The following CSNK1G2 variants were observed in gnomAD, a reference collection of about 807,000 sequenced individuals.
The protein encoded by CSNK1G2 is casein kinase I isoform gamma-2.
In CSNK1G2, 11 loss-of-function variants were observed where a neutral mutation model predicts 48.0. The ratio of observed to expected loss-of-function variants is 0.23; its 90% CI spans 0.14 to 0.38. The LOEUF is 0.38. CSNK1G2 is among the 10% of genes least tolerant of loss of function. The pLI is 1.00. For missense variants in CSNK1G2, 446 were observed against 595.5 expected, an observed-to-expected ratio of 0.75 and a Z score of 2.61; for synonymous variants, 337 against 254.1, an observed-to-expected ratio of 1.33 and a Z score of -3.10.
chr19:1,958,247 C>T (rs550414562), intron 1 of CSNK1G2, among the ~76,000 whole-genome samples: 16 of 152,148 alleles, frequency 1.1e-4, no homozygotes, highest in South Asian at 2.1e-4. Flanking sequence ...GCTTCCTTCT[C>T]GGTGGTTCCC....
intron 1 of CSNK1G2, among the ~76,000 whole-genome samples, chr19:1,967,303 G>A (rs569245357): frequency 4.6e-5 from 7 of 152,238 alleles, no homozygotes; most frequent in African/African-American, 1.4e-4. Flanking sequence ...CATTTTCGGC[G>A]ATGGCTGTGC....
rs748938409 is a variant in CSNK1G2 at position 1,967,695 on chromosome 19, CCCCCACCA to C, written c.-265-1809_-265-1802del. ...GGGCTCCTCCCTCCTCCCCAGGCTG[CCCCCACCA>C]CCCTTCAGTTCTGCAGGTGGGGCTC... On this transcript the variant is annotated intron_variant, in intron 1 of 11. Coordinates refer to ENST00000255641, the MANE Select transcript of CSNK1G2 (RefSeq NM_001319.7). Among the ~76,000 whole-genome samples, 527 of 123,306 alleles carry C rather than the reference CCCCCACCA, an allele frequency of 4.3e-3. 50 individuals carry two copies. Among genetic ancestry groups the C allele is most frequent in the East Asian group, 0.026 (99 of 3,836 alleles). The allele number at this position is 123,306 out of a possible 152,430, so 80.9% of individuals were successfully genotyped here.
intron 1 of CSNK1G2, among the ~76,000 whole-genome samples, chr19:1,952,042 T>C (rs746649544): frequency 3.9e-5 from 6 of 152,178 alleles, no homozygotes; most frequent in Non-Finnish European, 7.3e-5. Flanking sequence ...AGTGGTGAGA[T>C]TGGGGCCATC....
Position 1,941,326 on chromosome 19 carries a change from G to T in CSNK1G2, c.-358G>T, listed in dbSNP as rs1599270744. On this transcript the variant is annotated 5_prime_UTR_variant, in exon 1 of 12. Coordinates refer to ENST00000255641, the MANE Select transcript of CSNK1G2 (RefSeq NM_001319.7). ...GGCACCGGAGCCGGAGCGCGAGGGG[G>T]CGCGGGGCCCGGAGCGGGGGTCCGC... 1 of 146,862 alleles carries T rather than the reference G, an allele frequency of 6.8e-6. No individual in the cohort carries two copies. Among genetic ancestry groups the T allele is most frequent in the South Asian group, 2.1e-4 (1 of 4,858 alleles). 9.1% of individuals were successfully genotyped at this position (146,862 alleles called of 1,614,324 possible). A position where few individuals can be genotyped will look rare whatever the true frequency, so the allele number is the denominator to read the frequency against.
At chr19:1,973,927 G>C (rs996747007) in intron 2 of CSNK1G2, among the ~76,000 whole-genome samples, 1 of 151,958 alleles carries the variant, frequency 6.6e-6, no homozygotes, top group African/African-American at 2.4e-5. Context: ...TTGCTCTGTT[G>C]CCCAGGCTGG....
intron 2 of CSNK1G2, chr19:1,974,602 CGTGGTGTGTGCCGTGAGGT>C (rs2015689306): frequency 6.6e-6 from 1 of 152,220 alleles, no homozygotes; most frequent in African/African-American, 2.4e-5. Flanking sequence ...TGGGCGTGGC[CGTGGTGTGTGCCGTGAGGT>C]GTGGAGGGTG....
intron 1 of CSNK1G2, chr19:1,954,088 C>T (rs1599292640): frequency 2.0e-6 from 1 of 491,668 alleles, no homozygotes; most frequent in Admixed American, 2.1e-5. Context: ...CTTCCCTCCT[C>T]TCCCTGATTT....
At chr19:1,958,742 G>A (rs1419060707) in intron 1 of CSNK1G2, among the ~76,000 whole-genome samples, 2 of 34,996 alleles carry the variant, frequency 5.7e-5, no homozygotes, top group Non-Finnish European at 4.9e-5. Flanking sequence ...ATCCAGGGCC[G>A]CAGCAGCTCA....
At chr19:1,956,980 G>C (rs1279276349) in intron 1 of CSNK1G2, among the ~76,000 whole-genome samples, 1 of 152,222 alleles carries the variant, frequency 6.6e-6, no homozygotes, top group Non-Finnish European at 1.5e-5. Context: ...TCACCTGGAA[G>C]AGAGAAGGAG....
In CSNK1G2 at chr19:1,957,352, A is replaced by G. The variant is rs2015033329; in HGVS notation, c.-265-12156A>G. Among the ~76,000 whole-genome samples the G allele has an allele frequency of 6.6e-6, 1 of 152,192 alleles. No individual in the cohort carries two copies. Among genetic ancestry groups the G allele is most frequent in the Non-Finnish European group, 1.5e-5 (1 of 68,038 alleles). ...GGAGGTCACGTGGGCACCACAGACG[A>G]AAGTGGAGCCGGGGGAGAGATGTCC... On this transcript the variant is annotated intron_variant, in intron 1 of 11. Transcript: ENST00000255641. The surrounding 1 kb of genome is among the most constrained non-coding windows in gnomAD (Gnocchi z 5.4).
chr19:1,953,986 G>C, intron 1 of CSNK1G2: 1 of 533,904 alleles, frequency 1.9e-6, no homozygotes, highest in East Asian at 5.4e-5. Flanking sequence ...GGTGATGACA[G>C]TCGCCCTTGG....
rs1349033126 is a variant in CSNK1G2, at chr19:1,957,369, G to C, written c.-265-12139G>C. 6.6e-6 allele frequency among the ~76,000 whole-genome samples: 1 copy of C among 152,246 alleles called. No individual in the cohort carries two copies. Among genetic ancestry groups the C allele is most frequent in the African/African-American group, 2.4e-5 (1 of 41,460 alleles). On this transcript the variant is annotated intron_variant, in intron 1 of 11. Transcript: ENST00000255641. This position sits in a 1 kb window ranked among gnomAD's most constrained non-coding sequence, Gnocchi z 5.4. The stretch of plus-strand genomic sequence containing the variant: ...CACAGACGAAAGTGGAGCCGGGGGA[G>C]AGATGTCCCGGGATGCACCAGGCGC...
chr19:1,974,414 A>T (rs954165809), intron 2 of CSNK1G2, among the ~76,000 whole-genome samples: 1 of 152,154 alleles, frequency 6.6e-6, no homozygotes, highest in African/African-American at 2.4e-5. Flanking sequence ...AGCGACTCAG[A>T]TCCTCTCTCT....
At chr19:1,944,603 C>T (rs1384822251) in intron 1 of CSNK1G2, among the ~76,000 whole-genome samples, 1 of 151,926 alleles carries the variant, frequency 6.6e-6, no homozygotes, top group Non-Finnish European at 1.5e-5. Flanking sequence ...TCTCTGCTGG[C>T]TCTGTCCAGA....
At position 1,978,642 on chromosome 19, in the gene CSNK1G2, G is replaced by A; in HGVS notation, c.339G>A (p.Lys113=). 6.2e-7 allele frequency: 1 copy of A among 1,606,826 alleles called. No individual in the cohort carries two copies. The highest frequency in any genetic ancestry group is 8.5e-7 in the Non-Finnish European group (1 of 1,177,100). ...PQVYYFGPCG[K]YNAMVLELLG... ...TCTACTACTTCGGTCCGTGCGGGAA[G>A]TACAACGCCATGGTGCTGGAGCTGC... The change falls in exon 5 of 12, where the codon AAG becomes AAA. Residue 113 remains lysine, a synonymous_variant. Transcript: ENST00000255641. This position sits in a 1 kb window ranked among gnomAD's most constrained non-coding sequence, Gnocchi z 7.3.
intron 1 of CSNK1G2, among the ~76,000 whole-genome samples, chr19:1,947,444 C>T (rs1265925386): frequency 6.6e-6 from 1 of 152,274 alleles, no homozygotes; most frequent in Non-Finnish European, 1.5e-5. Context: ...CTGTCCGCGG[C>T]AGTTGTGCCC....
intron 1 of CSNK1G2, among the ~76,000 whole-genome samples, chr19:1,958,287 T>C (rs1213694032): frequency 6.6e-6 from 1 of 151,834 alleles, no homozygotes; most frequent in African/African-American, 2.4e-5. Flanking sequence ...TTCGTCCTTT[T>C]TGGGCAGCGA....
chr19:1,974,339 G>A (rs544418111), intron 2 of CSNK1G2, among the ~76,000 whole-genome samples: 2 of 152,172 alleles, frequency 1.3e-5, no homozygotes, highest in Non-Finnish European at 2.9e-5. Context: ...ACCGGAGGGG[G>A]CTGGATTCGC....
intron 1 of CSNK1G2, among the ~76,000 whole-genome samples, chr19:1,964,017 A>G (rs183857097): frequency 1.3e-5 from 2 of 152,036 alleles, no homozygotes; most frequent in Admixed American, 1.3e-4. Context: ...GGGTTTCACC[A>G]TGTTGGCCAG....
Sources: allele counts gnomAD v4.1 joint callset (sites outside exome capture counted in the v4.1 genomes callset), GRCh38; gene constraint gnomAD v4.1.1; non-coding constraint Gnocchi (gnomAD v3.1); transcripts MANE v1.5; gene names NCBI Gene and HGNC (gene_info 2026-07-23, HGNC 2026-07-21).